The following GPC5 variants were observed in gnomAD, a reference collection of about 807,000 sequenced individuals.
GPC5 encodes glypican-5.
A neutral mutation model predicts 53.9 loss-of-function variants in GPC5; 47 were observed. That is an observed-to-expected ratio of 0.87 (90% CI 0.69 to 1.11). GPC5 has a LOEUF of 1.11. Among genes scored for constraint, GPC5 ranks in the 50% most tolerant of loss-of-function variants. GPC5 has a pLI of 0.00. For synonymous variants in GPC5, 286 were observed against 263.3 expected (o/e 1.09, Z -0.84); for missense variants, 748 against 713.1 (o/e 1.05, Z -0.56).
At chr13:92,609,633 T>C (rs1398218113) in intron 7 of GPC5, among the ~76,000 whole-genome samples, 2 of 152,180 alleles carry the variant, frequency 1.3e-5, no homozygotes, top group Non-Finnish European at 2.9e-5. Context: ...GAAAACCTTA[T>C]GAGGCACAAG....
At chr13:91,531,434 C>T (rs551795031) in intron 2 of GPC5, among the ~76,000 whole-genome samples, 5 of 152,112 alleles carry the variant, frequency 3.3e-5, no homozygotes, top group Admixed American at 1.3e-4. Flanking sequence ...GGGGTAAAGC[C>T]GGCTGTTAGA....
chr13:92,843,848 A>C (rs985843271), intron 7 of GPC5, among the ~76,000 whole-genome samples: 2 of 152,076 alleles, frequency 1.3e-5, no homozygotes, highest in Admixed American at 1.3e-4. Flanking sequence ...TAAAGTAATC[A>C]TCTCTACAGA....
intron 7 of GPC5, among the ~76,000 whole-genome samples, chr13:92,580,697 A>G (rs1883342413): frequency 6.6e-6 from 1 of 152,144 alleles, no homozygotes; most frequent in East Asian, 1.9e-4. Context: ...AGAGAGTGGC[A>G]GAGGTGACAC....
intron 7 of GPC5, among the ~76,000 whole-genome samples, chr13:92,615,500 T>C (rs1334864897): frequency 6.6e-6 from 1 of 152,148 alleles, no homozygotes; most frequent in Non-Finnish European, 1.5e-5. Context: ...AATTTTCCTG[T>C]TTATTTGAAT....
At chr13:92,325,006 G>T (rs900563553) in intron 7 of GPC5, among the ~76,000 whole-genome samples, 1 of 151,584 alleles carries the variant, frequency 6.6e-6, no homozygotes, top group African/African-American at 2.4e-5. Flanking sequence ...AAGTGATTTT[G>T]CAAAATACGT....
chr13:91,747,310 T>C (rs17425635), intron 4 of GPC5, among the ~76,000 whole-genome samples: 9,038 of 152,220 alleles, frequency 0.059, 371 homozygotes, highest in Non-Finnish European at 0.095. Flanking sequence ...TTGTACCACG[T>C]GATGTATCAG....
chr13:92,203,637 TA>T lies in GPC5; in HGVS notation c.1561+58655del, dbSNP rs1005147296. On this transcript the variant is annotated intron_variant, in intron 7 of 7. Transcript: ENST00000377067. ...ATGTACCCTAAAACTTAGAGTATAA[TA>T]AAAAAATATATATATATAAAAAAAT... 9.7e-3 allele frequency among the ~76,000 whole-genome samples: 1,214 copies of T among 124,600 alleles called. 14 individuals are homozygous for T. The highest frequency in any genetic ancestry group is 0.051 in the South Asian group (191 of 3,746). The allele number at this position is 124,600 out of a possible 152,430, so 81.7% of individuals were successfully genotyped here. A position where few individuals can be genotyped will look rare whatever the true frequency, so the allele number is the denominator to read the frequency against.
chr13:92,207,729 C>A (rs74715280), intron 7 of GPC5, among the ~76,000 whole-genome samples: 1 of 152,140 alleles, frequency 6.6e-6, no homozygotes, highest in Non-Finnish European at 1.5e-5. Context: ...CATTACTCTG[C>A]GGTTATCTGT....
intron 2 of GPC5, among the ~76,000 whole-genome samples, chr13:91,657,853 G>A (rs560565521): frequency 2.6e-5 from 4 of 152,194 alleles, no homozygotes; most frequent in Non-Finnish European, 4.4e-5. Context: ...CATGTAGAAA[G>A]TATGGTTCCT....
At chr13:91,473,464 A>G (rs141772422) in intron 2 of GPC5, among the ~76,000 whole-genome samples, 2 of 152,282 alleles carry the variant, frequency 1.3e-5, no homozygotes, top group Non-Finnish European at 2.9e-5. Flanking sequence ...TATGAGGGGT[A>G]CAGTACAGGG....
intron 7 of GPC5, among the ~76,000 whole-genome samples, chr13:92,797,825 A>G (rs1203667190): frequency 1.6e-5 from 2 of 122,942 alleles, no homozygotes; most frequent in African/African-American, 6.4e-5. Context: ...GGGATGATAG[A>G]TAGATAGATA....
At chr13:92,311,143 A>G (rs2043142571) in intron 7 of GPC5, among the ~76,000 whole-genome samples, 1 of 152,222 alleles carries the variant, frequency 6.6e-6, no homozygotes, top group African/African-American at 2.4e-5. Context: ...AAATCTATTG[A>G]ACATATACGG....
intron 7 of GPC5, among the ~76,000 whole-genome samples, chr13:92,158,716 C>G (rs2041963825): frequency 6.6e-6 from 1 of 152,230 alleles, no homozygotes; most frequent in Middle Eastern, 3.4e-3. Flanking sequence ...ATTGGTCTCT[C>G]TGCTTCTGTA....
At chr13:91,996,827 A>G (rs968136186) in intron 6 of GPC5, among the ~76,000 whole-genome samples, 1 of 152,102 alleles carries the variant, frequency 6.6e-6, no homozygotes, top group Non-Finnish European at 1.5e-5. Flanking sequence ...ATTATGTTTC[A>G]TTGAGTATTA....
In GPC5 at chr13:92,666,694, C is replaced by T. The variant is rs114794334; in HGVS notation, c.1562-199588C>T. 9.1e-3 allele frequency among the ~76,000 whole-genome samples: 1,393 copies of T among 152,276 alleles called. 21 individuals are homozygous for T. Among genetic ancestry groups the T allele is most frequent in the African/African-American group, 0.031 (1,306 of 41,560 alleles). ...CTTTTAATGCAATTTGAAGGGAGAACATTAGTGCTCAGCATTTATAATTTA... is the reference window on the plus strand; with the variant it reads ...CTTTTAATGCAATTTGAAGGGAGAATATTAGTGCTCAGCATTTATAATTTA... On this transcript the variant is annotated intron_variant, in intron 7 of 7. Coordinates refer to ENST00000377067, the MANE Select transcript of GPC5 (RefSeq NM_004466.6).
chr13:92,090,775 T>G (rs562021440), intron 6 of GPC5, among the ~76,000 whole-genome samples: 2 of 152,362 alleles, frequency 1.3e-5, no homozygotes, highest in East Asian at 3.9e-4. Context: ...CAATTAATGA[T>G]GAACTAACTT....
rs573659180 is a variant in GPC5, at chr13:92,708,436, A to G, written c.1562-157846A>G. ...AGTAACAACTGTACTAGGGTGCTTA[A>G]AATATATTTTATGATAGTAATCTTT... is the stretch of plus-strand genomic sequence containing the variant. On this transcript the variant is annotated intron_variant, in intron 7 of 7. Coordinates refer to ENST00000377067, the MANE Select transcript of GPC5 (RefSeq NM_004466.6). 6.6e-5 allele frequency among the ~76,000 whole-genome samples: 10 copies of G among 152,264 alleles called. No homozygotes were observed. In the South Asian group the frequency reaches 2.1e-3, roughly 32 times the overall value.
intron 2 of GPC5, among the ~76,000 whole-genome samples, chr13:91,598,515 A>G (rs548722589): frequency 9.2e-5 from 14 of 152,172 alleles, no homozygotes; most frequent in Non-Finnish European, 1.3e-4. Flanking sequence ...GATTTTCAAC[A>G]TTCTTTCTTT....
intron 2 of GPC5, among the ~76,000 whole-genome samples, chr13:91,457,312 A>G (rs1041941171): frequency 2.6e-5 from 4 of 152,146 alleles, no homozygotes; most frequent in African/African-American, 9.7e-5. Context: ...AATTTTATCT[A>G]TGATGGTTAG....
Sources: gnomAD v4.1 joint callset for allele counts (sites outside exome capture counted in the v4.1 genomes callset) on GRCh38, gnomAD v4.1.1 for gene constraint, MANE v1.5 for transcripts, NCBI Gene and HGNC (gene_info 2026-07-23, HGNC 2026-07-21) for gene names.